The following TSNARE1 variants were observed in gnomAD, a reference collection of about 807,000 sequenced individuals.
The protein encoded by TSNARE1 is t-SNARE domain-containing protein 1.
TSNARE1 carries 49 observed loss-of-function variants against 62.0 expected under a neutral mutation model. The observed-to-expected ratio is 0.79, with a 90% CI of 0.63 to 1.00. The LOEUF is 1.00. Among genes scored for constraint, TSNARE1 ranks in the 50% least tolerant of loss-of-function variants. TSNARE1 has a pLI of 0.00. For synonymous variants in TSNARE1, 328 were observed against 294.4 expected, an observed-to-expected ratio of 1.11 and a Z score of -1.17; for missense variants, 755 against 700.1, an observed-to-expected ratio of 1.08 and a Z score of -0.88.
At chr8:142,216,959 A>C (rs1815869719) in intron 13 of TSNARE1, among the ~76,000 whole-genome samples, 1 of 152,116 alleles carries the variant, frequency 6.6e-6, no homozygotes, top group Non-Finnish European at 1.5e-5. Context: ...GAAACTGCCT[A>C]AGGACCGGGC....
At chr8:142,284,592 A>G (rs1384650364) in intron 10 of TSNARE1, 107 bp from the exon 11 acceptor site, 9 of 845,596 alleles carry the variant, frequency 1.1e-5, no homozygotes, top group African/African-American at 1.7e-5. Context: ...TGGCACCTGC[A>G]GAATCAGGAA....
At chr8:142,243,273 C>A (rs1400482514) in intron 12 of TSNARE1, among the ~76,000 whole-genome samples, 3 of 152,170 alleles carry the variant, frequency 2.0e-5, no homozygotes, top group Non-Finnish European at 2.9e-5. Flanking sequence ...GGAAATGAAA[C>A]CGGTATGTCA....
At chr8:142,334,087 T>C (rs564916519) in intron 4 of TSNARE1, among the ~76,000 whole-genome samples, 10 of 152,380 alleles carry the variant, frequency 6.6e-5, no homozygotes, top group Middle Eastern at 3.4e-3. Flanking sequence ...AAATGGACCA[T>C]GGTCTATACT....
At chr8:142,392,148 C>T (rs568553924) in intron 1 of TSNARE1, among the ~76,000 whole-genome samples, 3 of 152,206 alleles carry the variant, frequency 2.0e-5, no homozygotes, top group African/African-American at 4.8e-5. Context: ...TTCAGCCTCC[C>T]GAGTGGCTGG....
intron 12 of TSNARE1, among the ~76,000 whole-genome samples, chr8:142,255,785 CCAT>C (rs1563781274): frequency 2.4e-4 from 9 of 37,316 alleles, no homozygotes; most frequent in African/African-American, 4.7e-4. Flanking sequence ...ACCATCACCA[CCAT>C]CATCACCATC....
chr8:142,298,689 T>A (rs1205805321), intron 10 of TSNARE1, among the ~76,000 whole-genome samples: 2 of 152,104 alleles, frequency 1.3e-5, no homozygotes, highest in Non-Finnish European at 2.9e-5. Flanking sequence ...TTGGACTTAA[T>A]CAATAAGCAG....
chr8:142,313,562 T>C (rs1438297190), intron 9 of TSNARE1, among the ~76,000 whole-genome samples: 1 of 152,218 alleles, frequency 6.6e-6, no homozygotes, highest in African/African-American at 2.4e-5. Context: ...TACCTGCATG[T>C]GTCTGCGCAT....
At chr8:142,269,627 G>A (rs1819349170) in intron 12 of TSNARE1, 1 of 985,382 alleles carries the variant, frequency 1.0e-6, no homozygotes, top group East Asian at 1.1e-4. Context: ...CTGTGCCCAG[G>A]CCATGGTGGG....
chr8:142,326,687 G>A (rs1043033366), intron 6 of TSNARE1, among the ~76,000 whole-genome samples: 2 of 150,236 alleles, frequency 1.3e-5, no homozygotes, highest in South Asian at 2.1e-4. Context: ...AGCACGAGAC[G>A]GATGAGGAAC....
At chr8:142,387,255 A>G (rs1310611152) in intron 1 of TSNARE1, among the ~76,000 whole-genome samples, 1 of 152,204 alleles carries the variant, frequency 6.6e-6, no homozygotes, top group Non-Finnish European at 1.5e-5. Context: ...ACTTCTAAAC[A>G]GCAATGATAA....
At position 142,319,089 on chromosome 8, in the gene TSNARE1, G is replaced by T. The variant is rs992122298; in HGVS notation, c.894-455C>A. On this transcript the variant is annotated intron_variant, in intron 6 of 13. Transcript: ENST00000524325. This position sits in a 1 kb window ranked among gnomAD's most constrained non-coding sequence, Gnocchi z 4.9. ...GGCGCAGGTAAGCTCTGGCTGGGGT[G>T]GGTGGCCCAGCCAGAACAGTGGCAG... is the stretch of plus-strand genomic sequence containing the variant. 8.5e-5 allele frequency among the ~76,000 whole-genome samples: 13 copies of T among 152,136 alleles called. No individual in the cohort carries two copies. Among genetic ancestry groups the T allele is most frequent in the African/African-American group, 3.1e-4 (13 of 41,508 alleles).
chr8:142,365,491 G>A (rs1271757535), intron 1 of TSNARE1, among the ~76,000 whole-genome samples: 1 of 152,246 alleles, frequency 6.6e-6, no homozygotes, highest in East Asian at 1.9e-4. Context: ...TCCTGATCTT[G>A]ATCACTGTGG....
At chr8:142,293,670 G>A (rs1824192410) in intron 10 of TSNARE1, among the ~76,000 whole-genome samples, 1 of 152,202 alleles carries the variant, frequency 6.6e-6, no homozygotes, top group Non-Finnish European at 1.5e-5. Context: ...CTGGAGACCT[G>A]GCTGTCATCC....
At position 142,255,944 on chromosome 8, in the gene TSNARE1, CCAT is replaced by C. The variant is rs1563781709; in HGVS notation, c.1446+18834_1446+18836del. Among the ~76,000 whole-genome samples, 30 of 41,212 alleles carry C rather than the reference CCAT, an allele frequency of 7.3e-4. 5 individuals carry two copies. Among genetic ancestry groups the C allele is most frequent in the Non-Finnish European group, 1.3e-3 (22 of 16,862 alleles). The allele number at this position is 41,212 out of a possible 152,430, so 27.0% of individuals were successfully genotyped here. On this transcript the variant is annotated intron_variant, in intron 12 of 13. Transcript: ENST00000524325. ...ATCACCATCACCATCACCATCACCA[CCAT>C]CATCACCATCACCACCACCATCACC...
intron 12 of TSNARE1, among the ~76,000 whole-genome samples, chr8:142,268,382 T>C (rs1040699037): frequency 2.0e-5 from 3 of 152,222 alleles, no homozygotes; most frequent in Admixed American, 6.5e-5. Context: ...CCGGCTCTCC[T>C]AGCTTGGCCC....
intron 11 of TSNARE1, among the ~76,000 whole-genome samples, chr8:142,283,435 G>T (rs968487907): frequency 6.9e-6 from 1 of 144,992 alleles, no homozygotes; most frequent in African/African-American, 2.6e-5. Flanking sequence ...GTTAGTGTCT[G>T]TCAACGAGCA....
intron 13 of TSNARE1, among the ~76,000 whole-genome samples, chr8:142,226,578 C>A (rs1319584953): frequency 3.9e-5 from 6 of 152,296 alleles, no homozygotes; most frequent in African/African-American, 1.2e-4. Flanking sequence ...ACACTCAGAG[C>A]CCCCTCAGGC....
At chr8:142,401,376 G>A (rs967508578) in intron 1 of TSNARE1, among the ~76,000 whole-genome samples, 1 of 148,494 alleles carries the variant, frequency 6.7e-6, no homozygotes, top group Non-Finnish European at 1.5e-5. Context: ...GCTCTGCATC[G>A]ACAGGCACAC....
intron 2 of TSNARE1, among the ~76,000 whole-genome samples, chr8:142,346,630 C>A (rs1399930505): frequency 2.0e-5 from 3 of 152,254 alleles, no homozygotes; most frequent in Non-Finnish European, 4.4e-5. Flanking sequence ...CCAGACCCCG[C>A]GTGCCTGTCT....
Sources: allele counts gnomAD v4.1 joint callset (sites outside exome capture counted in the v4.1 genomes callset), GRCh38; gene constraint gnomAD v4.1.1; non-coding constraint Gnocchi (gnomAD v3.1); transcripts MANE v1.5; gene names NCBI Gene and HGNC (gene_info 2026-07-23, HGNC 2026-07-21).